Variants in COG6 observed in about 807,000 individuals in gnomAD.
The protein encoded by COG6 is conserved oligomeric Golgi complex subunit 6.
In COG6, 74 loss-of-function variants were observed where a neutral mutation model predicts 88.8. That is an observed-to-expected ratio of 0.83 (90% CI 0.69 to 1.01). The LOEUF (loss-of-function observed/expected upper bound fraction) is 1.01, where lower values mean the gene tolerates loss of function less well. COG6 is among the 50% of genes least tolerant of loss of function. The probability of loss-of-function intolerance (pLI) is 0.00; values close to 1 mark genes in which losing one functional copy is unlikely to be tolerated. For synonymous variants in COG6, 286 were observed against 278.7 expected (o/e 1.03, Z -0.26); for missense variants, 800 against 797.9 (o/e 1.00, Z -0.03).
At chr13:39,669,041 C>T (rs556012499) in intron 4 of COG6, among the ~76,000 whole-genome samples, 1 of 152,216 alleles carries the variant, frequency 6.6e-6, no homozygotes, top group Admixed American at 6.5e-5. Flanking sequence ...GTTCCATCAC[C>T]ACAAATAGTG....
At chr13:39,704,601 A>G (rs1307490267) in intron 13 of COG6, among the ~76,000 whole-genome samples, 1 of 152,166 alleles carries the variant, frequency 6.6e-6, no homozygotes, top group African/African-American at 2.4e-5. Flanking sequence ...GAGGGAGAAG[A>G]CAATCTATGT....
intron 13 of COG6, among the ~76,000 whole-genome samples, chr13:39,705,441 C>A (rs1877838015): frequency 6.6e-6 from 1 of 152,058 alleles, no homozygotes; most frequent in Admixed American, 6.6e-5. Context: ...CTGAAATATT[C>A]ATAACTGCAA....
Position 39,655,789 on chromosome 13 carries a change from C to T in COG6, c.63C>T (p.Asn21=), listed in dbSNP as rs916350900. 1.9e-6 allele frequency: 3 copies of T among 1,598,438 alleles called. No individual in the cohort carries two copies. The highest frequency in any genetic ancestry group is 1.7e-5 in the Admixed American group (1 of 58,582). The change falls in exon 1 of 19, where the codon AAC becomes AAT. Residue 21 remains asparagine (N), a synonymous_variant. Coordinates refer to ENST00000455146, the MANE Select transcript of COG6 (RefSeq NM_020751.3). ...CGACCGGGGCTGCCAACGGCCTCAA[C>T]AATGGGGCAGGCGGGACCTCGGCGA... is the stretch of plus-strand genomic sequence containing the variant. The part of the protein sequence containing the change: ...VSATGAANGL[N]NGAGGTSATT...
chr13:39,719,636 G>A (rs2138075674), intron 14 of COG6, 24 bp from the exon 15 acceptor site: 2 of 1,599,316 alleles, frequency 1.3e-6, no homozygotes, highest in Middle Eastern at 1.7e-4. Context: ...GAAATAAAGA[G>A]TTCATTTTAT....
At chr13:39,729,444 A>T (rs919957290) in intron 18 of COG6, among the ~76,000 whole-genome samples, 2 of 152,228 alleles carry the variant, frequency 1.3e-5, no homozygotes, top group Non-Finnish European at 2.9e-5. Context: ...AGATAATATA[A>T]ACTAAGTTGA....
In COG6 at chr13:39,656,799, C is replaced by T. The variant is rs75556594; in HGVS notation, c.153+920C>T. On this transcript the variant is annotated intron_variant, in intron 1 of 18. Coordinates refer to ENST00000455146, the MANE Select transcript of COG6 (RefSeq NM_020751.3). ...GTGTGCATCATGATTTGAGTAAGTC[C>T]CTTCACTAATCTCAGCTTCTGTTTA... 1,234 of 455,646 alleles carry T rather than the reference C, an allele frequency of 2.7e-3. 10 individuals carry two copies. The highest frequency in any genetic ancestry group is 0.022 in the African/African-American group (1,110 of 50,100). The allele number at this position is 455,646 out of a possible 1,614,324, so 28.2% of individuals were successfully genotyped here. A position where few individuals can be genotyped will look rare whatever the true frequency, so the allele number is the denominator to read the frequency against.
At chr13:39,770,789 T>C (rs1295088863) in intron 18 of COG6, among the ~76,000 whole-genome samples, 1 of 152,240 alleles carries the variant, frequency 6.6e-6, no homozygotes. Context: ...GAAAAAGGCC[T>C]AAGATCACGG....
intron 15 of COG6, among the ~76,000 whole-genome samples, chr13:39,720,913 T>C (rs947187697): frequency 6.6e-6 from 1 of 152,100 alleles, no homozygotes; most frequent in Middle Eastern, 3.4e-3. Flanking sequence ...ACTTAAGAGT[T>C]TTCCCATCCT....
At chr13:39,756,747 G>A (rs915457026), downstream of COG6, among the ~76,000 whole-genome samples, 6 of 151,948 alleles carry the variant, frequency 3.9e-5, no homozygotes, top group African/African-American at 1.2e-4. Flanking sequence ...TGGGCGGGGC[G>A]GGGGGCGGCA....
At chr13:39,786,303 A>G (rs1881771190) in intron 18 of COG6, among the ~76,000 whole-genome samples, 1 of 152,176 alleles carries the variant, frequency 6.6e-6, no homozygotes, top group Non-Finnish European at 1.5e-5. Flanking sequence ...AGCCAGAGGA[A>G]GGAATGGGGA....
Position 39,751,227 on chromosome 13 carries a change from A to T in COG6, c.*134A>T, listed in dbSNP as rs1308997822. 1.1e-5 allele frequency: 13 copies of T among 1,232,676 alleles called. No individual in the cohort carries two copies. The highest frequency in any genetic ancestry group is 2.8e-4 in the Middle Eastern group (1 of 3,572). The allele number at this position is 1,232,676 out of a possible 1,614,324, so 76.4% of individuals were successfully genotyped here. The stretch of plus-strand genomic sequence containing the variant: ...TATCATAAGATTGTAAGTCCCGATA[A>T]TTTTTTTTTTTTTGGTCTCAGTAAC... On this transcript the variant is annotated 3_prime_UTR_variant, in exon 19 of 19. Coordinates refer to ENST00000455146, the MANE Select transcript of COG6 (RefSeq NM_020751.3).
chr13:39,719,442 G>C, intron 14 of COG6, 75 bp downstream of exon 14: 1 of 1,431,238 alleles, frequency 7.0e-7, no homozygotes, highest in East Asian at 2.3e-5. Context: ...CTGGAATTTT[G>C]TAATTCATAT....
intron 7 of COG6, 137 bp downstream of exon 7, chr13:39,680,182 G>A: frequency 1.7e-6 from 1 of 592,856 alleles, no homozygotes; most frequent in Non-Finnish European, 3.0e-6. Context: ...ATTTGTATTT[G>A]GTTTTTAAAT....
intron 18 of COG6, among the ~76,000 whole-genome samples, chr13:39,732,341 C>T (rs1193709251): frequency 2.0e-5 from 3 of 152,072 alleles, no homozygotes; most frequent in Non-Finnish European, 1.5e-5. Flanking sequence ...ATGACAGTTA[C>T]AGACAATCAA....
At chr13:39,683,454 C>A (rs531273155) in intron 8 of COG6, among the ~76,000 whole-genome samples, 1 of 152,132 alleles carries the variant, frequency 6.6e-6, no homozygotes, top group Admixed American at 6.5e-5. Context: ...AGAGATAATG[C>A]ACCTTTGGGA....
chr13:39,662,318 G>A (rs898837192), intron 3 of COG6, among the ~76,000 whole-genome samples: 1 of 151,814 alleles, frequency 6.6e-6, no homozygotes, highest in Admixed American at 6.6e-5. Flanking sequence ...GTAGACACAG[G>A]ATTTCGCCAG....
intron 13 of COG6, among the ~76,000 whole-genome samples, chr13:39,714,992 G>A (rs1357543533): frequency 1.3e-5 from 2 of 152,038 alleles, no homozygotes; most frequent in East Asian, 3.9e-4. Context: ...CTTGTAAGTG[G>A]GAGCTAAGCT....
chr13:39,750,486 G>A (rs1404902932), intron 18 of COG6, among the ~76,000 whole-genome samples: 1 of 152,184 alleles, frequency 6.6e-6, no homozygotes, highest in East Asian at 1.9e-4. Flanking sequence ...GTGGTTGTTA[G>A]TGTAAAAGCT....
chr13:39,748,449 T>A (rs1483851889), intron 18 of COG6, among the ~76,000 whole-genome samples: 1 of 151,912 alleles, frequency 6.6e-6, no homozygotes, highest in Non-Finnish European at 1.5e-5. Context: ...ACCCCGTCTC[T>A]ACTAAAAATA....
Sources: allele counts gnomAD v4.1 joint callset (sites outside exome capture counted in the v4.1 genomes callset), GRCh38; gene constraint gnomAD v4.1.1; transcripts MANE v1.5; gene names NCBI Gene and HGNC (gene_info 2026-07-23, HGNC 2026-07-21).